Variants in PBX3 observed in about 807,000 individuals in gnomAD.
The protein encoded by PBX3 is pre-B-cell leukemia transcription factor 3.
Under a neutral mutation model 48.5 loss-of-function variants are expected in PBX3, and 14 were observed. That is an observed-to-expected ratio of 0.29 (90% CI 0.19 to 0.45). PBX3 has a LOEUF of 0.45. Among genes scored for constraint, PBX3 ranks in the 20% least tolerant of loss-of-function variants. The pLI is 1.00. For synonymous variants in PBX3, 210 were observed against 200.3 expected (o/e 1.05, Z -0.41); for missense variants, 386 against 546.7 (o/e 0.71, Z 2.93).
intron 2 of PBX3, among the ~76,000 whole-genome samples, chr9:125,821,911 G>T (rs1838663609): frequency 6.6e-6 from 1 of 152,052 alleles, no homozygotes; most frequent in Admixed American, 6.6e-5. Context: ...TTTAATTAAT[G>T]ATATGTAAAT....
At chr9:125,801,790 TACACACAC>T (rs367989628) in intron 2 of PBX3, among the ~76,000 whole-genome samples, 18 of 146,322 alleles carry the variant, frequency 1.2e-4, no homozygotes, top group Middle Eastern at 3.4e-3. Flanking sequence ...TGTATACACA[TACACACAC>T]ACACACACAC....
chr9:125,952,303 C>T (rs1842211756), intron 5 of PBX3, among the ~76,000 whole-genome samples: 1 of 152,200 alleles, frequency 6.6e-6, no homozygotes, highest in Non-Finnish European at 1.5e-5. Context: ...CAGATCCTCT[C>T]CCTGACGCAG....
intron 5 of PBX3, among the ~76,000 whole-genome samples, chr9:125,948,847 A>G (rs974516894): frequency 1.3e-5 from 2 of 152,196 alleles, no homozygotes; most frequent in East Asian, 1.9e-4. Flanking sequence ...ATTCAATTCA[A>G]TCTCTGCCTC....
intron 2 of PBX3, among the ~76,000 whole-genome samples, chr9:125,751,568 T>C (rs1457683354): frequency 6.6e-6 from 1 of 152,218 alleles, no homozygotes; most frequent in Non-Finnish European, 1.5e-5. Flanking sequence ...CTTGAGAATA[T>C]ATTCTTTCGT....
intron 2 of PBX3, among the ~76,000 whole-genome samples, chr9:125,816,146 C>T (rs1421459890): frequency 6.6e-6 from 1 of 152,114 alleles, no homozygotes; most frequent in Non-Finnish European, 1.5e-5. Flanking sequence ...ACCACCACGC[C>T]TGGCTAATTT....
chr9:125,849,968 C>T (rs1334115541), intron 2 of PBX3, among the ~76,000 whole-genome samples: 1 of 151,916 alleles, frequency 6.6e-6, no homozygotes, highest in African/African-American at 2.4e-5. Context: ...TGAAGAATTA[C>T]GTATTATGTA....
At chr9:125,832,253 T>C (rs1838983071) in intron 2 of PBX3, among the ~76,000 whole-genome samples, 1 of 151,888 alleles carries the variant, frequency 6.6e-6, no homozygotes, top group Non-Finnish European at 1.5e-5. Context: ...TGGAGTGCAG[T>C]GGCGCGATCT....
At chr9:125,938,814 G>C (rs1260676685) in intron 5 of PBX3, among the ~76,000 whole-genome samples, 2 of 152,090 alleles carry the variant, frequency 1.3e-5, no homozygotes, top group Admixed American at 6.5e-5. Context: ...GATATTATTG[G>C]GTTAAATTTA....
intron 2 of PBX3, among the ~76,000 whole-genome samples, chr9:125,778,939 G>A (rs1837157960): frequency 7.5e-6 from 1 of 133,328 alleles, no homozygotes; most frequent in African/African-American, 2.9e-5. Context: ...CATTTTAAGT[G>A]TATAATTCAC....
intron 2 of PBX3, among the ~76,000 whole-genome samples, chr9:125,849,450 G>A (rs899950651): frequency 6.6e-6 from 1 of 151,814 alleles, no homozygotes; most frequent in Non-Finnish European, 1.5e-5. Context: ...GACTTGAAGT[G>A]CTATGTCACA....
intron 2 of PBX3, among the ~76,000 whole-genome samples, chr9:125,907,103 A>G (rs1474646709): frequency 6.6e-6 from 1 of 152,050 alleles, no homozygotes; most frequent in Non-Finnish European, 1.5e-5. Context: ...TCAAAATGGC[A>G]TTCTATTTCT....
rs1001864494 is a variant in PBX3 at position 125,925,443 on chromosome 9, C to G, written c.517-4212C>G. Among the ~76,000 whole-genome samples, 4 of 151,886 alleles carry G rather than the reference C, an allele frequency of 2.6e-5. No homozygotes were observed. In the East Asian group the frequency reaches 7.7e-4, roughly 29 times the overall value. ...CCTCATTAACAGTTTTTTTGTCTTT[C>G]TTTGTTTCTTTCTTTCTTAATTTTC... On this transcript the variant is annotated intron_variant, in intron 3 of 8. Transcript: ENST00000373489.
chr9:125,760,414 G>A, intron 2 of PBX3, among the ~76,000 whole-genome samples: 1 of 150,438 alleles, frequency 6.6e-6, no homozygotes, highest in Non-Finnish European at 1.5e-5. Flanking sequence ...TTTTTTTTTT[G>A]AGACATAGGA....
intron 2 of PBX3, among the ~76,000 whole-genome samples, chr9:125,805,226 G>T (rs1301459385): frequency 1.3e-5 from 2 of 152,088 alleles, no homozygotes; most frequent in African/African-American, 4.8e-5. Context: ...AAGTGCACAG[G>T]CCTGGCTGTG....
intron 3 of PBX3, among the ~76,000 whole-genome samples, chr9:125,920,814 C>CA (rs917034733): frequency 4.7e-4 from 71 of 152,262 alleles, no homozygotes; most frequent in African/African-American, 1.7e-3. Context: ...TGCTCAGGAC[C>CA]AATCAGGTAG....
chr9:125,747,402 C>CCGCCTCAGCCTT lies in PBX3; in HGVS notation c.-41_-30dup, dbSNP rs1180105370. The stretch of plus-strand genomic sequence containing the variant: ...TCCCTCGTCGCCGCCGCCGCCGCCG[C>CCGCCTCAGCCTT]CGCCTCAGCCTTCGCCTCAGCCGCC... On this transcript the variant is annotated 5_prime_UTR_variant, in exon 1 of 9. Transcript: ENST00000373489. 2.4e-6 allele frequency: 3 copies of CCGCCTCAGCCTT among 1,233,826 alleles called. No homozygotes were observed. Among genetic ancestry groups the CCGCCTCAGCCTT allele is most frequent in the African/African-American group, 3.3e-5 (2 of 61,410 alleles). 76.4% of individuals were successfully genotyped at this position (1,233,826 alleles called of 1,614,324 possible). A position where few individuals can be genotyped will look rare whatever the true frequency, so the allele number is the denominator to read the frequency against.
intron 3 of PBX3, among the ~76,000 whole-genome samples, chr9:125,921,375 T>C (rs544212739): frequency 1.3e-5 from 2 of 152,260 alleles, no homozygotes; most frequent in East Asian, 3.9e-4. Context: ...ATTCAGGCAA[T>C]GAGAAGGCAG....
intron 4 of PBX3, among the ~76,000 whole-genome samples, chr9:125,933,514 C>T (rs1351924799): frequency 4.6e-5 from 7 of 152,246 alleles, no homozygotes; most frequent in East Asian, 3.9e-4. Flanking sequence ...TTTCATACGT[C>T]GCTATTTCCC....
intron 2 of PBX3, among the ~76,000 whole-genome samples, chr9:125,775,467 T>C (rs1433154154): frequency 2.0e-5 from 3 of 152,244 alleles, no homozygotes; most frequent in Non-Finnish European, 2.9e-5. Flanking sequence ...GATGTAGATA[T>C]TCAGTTGTCC....
Sources: gnomAD v4.1 joint callset for allele counts (sites outside exome capture counted in the v4.1 genomes callset) on GRCh38, gnomAD v4.1.1 for gene constraint, MANE v1.5 for transcripts, NCBI Gene and HGNC (gene_info 2026-07-23, HGNC 2026-07-21) for gene names.